The following ITGA1 variants were observed in gnomAD, a reference collection of about 807,000 sequenced individuals.
ITGA1 encodes integrin subunit alpha 1, also known as integrin alpha-1.
In ITGA1, 85 loss-of-function variants were observed where a neutral mutation model predicts 145.9. The observed-to-expected ratio is 0.58, with a 90% CI of 0.49 to 0.70. The LOEUF (loss-of-function observed/expected upper bound fraction) is 0.70, where lower values mean the gene tolerates loss of function less well. Among genes scored for constraint, ITGA1 ranks in the 30% least tolerant of loss-of-function variants. The probability of loss-of-function intolerance (pLI) is 0.00; values close to 1 mark genes in which losing one functional copy is unlikely to be tolerated. For synonymous variants in ITGA1, 520 were observed against 495.3 expected, an observed-to-expected ratio of 1.05 and a Z score of -0.66; for missense variants, 1,351 against 1,418.7, an observed-to-expected ratio of 0.95 and a Z score of 0.77.
chr5:52,816,499 G>A (rs1163373317), intron 1 of ITGA1, among the ~76,000 whole-genome samples: 1 of 152,128 alleles, frequency 6.6e-6, no homozygotes, highest in Non-Finnish European at 1.5e-5. Context: ...AAACACACTA[G>A]AAATTTTCAT....
At chr5:52,800,060 G>T (rs1748426925) in intron 1 of ITGA1, 1 of 321,048 alleles carries the variant, frequency 3.1e-6, no homozygotes, top group African/African-American at 2.2e-5. Context: ...GGAGACGTGC[G>T]TCGGGTCGCG....
intron 2 of ITGA1, among the ~76,000 whole-genome samples, chr5:52,860,446 T>C (rs566819433): frequency 2.2e-4 from 33 of 152,296 alleles, no homozygotes; most frequent in African/African-American, 7.2e-4. Context: ...CTTGGGAGGC[T>C]GAGGCAGGAG....
intron 1 of ITGA1, among the ~76,000 whole-genome samples, chr5:52,844,871 T>C (rs1364743119): frequency 6.6e-6 from 1 of 152,212 alleles, no homozygotes; most frequent in Non-Finnish European, 1.5e-5. Flanking sequence ...GACAACTTAG[T>C]ATAACAAAAT....
intron 12 of ITGA1, among the ~76,000 whole-genome samples, chr5:52,906,779 G>A (rs1750415074): frequency 6.6e-6 from 1 of 152,110 alleles, no homozygotes; most frequent in East Asian, 1.9e-4. Flanking sequence ...TAGACTAGAG[G>A]GGCAGGACTG....
chr5:52,932,281 C>G (rs116173842), intron 22 of ITGA1, 145 bp downstream of exon 22: 18 of 585,262 alleles, frequency 3.1e-5, no homozygotes, highest in Non-Finnish European at 4.9e-5. Context: ...CCTACCAAAT[C>G]AGAAACTCGG....
In ITGA1 at chr5:52,838,123, G is replaced by A. The variant is rs965892090; in HGVS notation, c.62-11242G>A. ...AAGTTTTTAGTTGAGCAGAGGAACC[G>A]AAAAACTTCTGAATGAAGGAAATAT... is the stretch of plus-strand genomic sequence containing the variant. On this transcript the variant is annotated intron_variant, in intron 1 of 28. Coordinates refer to ENST00000282588, the MANE Select transcript of ITGA1 (RefSeq NM_181501.2). 3.9e-5 allele frequency among the ~76,000 whole-genome samples: 6 copies of A among 152,122 alleles called. No individual in the cohort carries two copies. The East Asian group carries it at 5.8e-4, about 15-fold the overall frequency.
intron 1 of ITGA1, chr5:52,801,813 G>T: frequency 6.2e-7 from 1 of 1,611,284 alleles, no homozygotes; most frequent in East Asian, 2.2e-5. Flanking sequence ...CTGACCAAGA[G>T]GGTGATTCCA....
intron 15 of ITGA1, among the ~76,000 whole-genome samples, chr5:52,918,042 T>C (rs1056648326): frequency 1.3e-5 from 2 of 152,322 alleles, no homozygotes; most frequent in South Asian, 4.1e-4. Context: ...ATATTCTCCA[T>C]GTCTGAGATC....
intron 2 of ITGA1, among the ~76,000 whole-genome samples, chr5:52,856,062 C>T (rs1352728699): frequency 6.6e-6 from 1 of 152,140 alleles, no homozygotes; most frequent in African/African-American, 2.4e-5. Context: ...CAATTATCAC[C>T]ATATCCTAAG....
At chr5:52,799,092 G>T (rs972366970) in intron 1 of ITGA1, among the ~76,000 whole-genome samples, 4 of 152,090 alleles carry the variant, frequency 2.6e-5, no homozygotes, top group Admixed American at 6.5e-5. Context: ...TCCACACAGA[G>T]AAAGACAGAA....
At chr5:52,907,276 T>C (rs186839169) in intron 12 of ITGA1, among the ~76,000 whole-genome samples, 62 of 152,268 alleles carry the variant, frequency 4.1e-4, no homozygotes, top group Non-Finnish European at 6.9e-4. Flanking sequence ...AAAAAGGCTA[T>C]TGTTGTAGCT....
chr5:52,893,865 C>A, intron 9 of ITGA1, 25 bp downstream of exon 9: 1 of 1,555,528 alleles, frequency 6.4e-7, no homozygotes, highest in Non-Finnish European at 8.8e-7. Context: ...CTTATTGCTG[C>A]ATGTTCTCTC....
intron 27 of ITGA1, 124 bp downstream of exon 27, chr5:52,945,159 C>T (rs1437229003): frequency 1.5e-6 from 1 of 665,124 alleles, no homozygotes; most frequent in East Asian, 2.6e-5. Context: ...GTGACAGACA[C>T]TATTTGCTTC....
intron 15 of ITGA1, among the ~76,000 whole-genome samples, chr5:52,917,038 C>T (rs1031292003): frequency 2.0e-5 from 3 of 152,016 alleles, no homozygotes; most frequent in Non-Finnish European, 4.4e-5. Context: ...TACTGGGACA[C>T]GAAGACTAAG....
chr5:52,929,691 A>T lies in ITGA1; in HGVS notation c.2761A>T (p.Ser921Cys). ...YLMENVTIYL[S>C]ATSDSEEPPE... ...CATGGAAAATGTGACCATTTATTTAAGTGCAACAAGGTTGGTTTACATGTG... is the reference window on the plus strand; with the variant it reads ...CATGGAAAATGTGACCATTTATTTATGTGCAACAAGGTTGGTTTACATGTG... The change falls in exon 21 of 29, where the codon AGT (serine) becomes TGT (cysteine). Residue 921 changes from serine (S) to cysteine (C), a missense_variant. By Grantham distance (112) the Ser-to-Cys change is moderately radical. Transcript: ENST00000282588. 1 of 1,582,542 alleles carries T rather than the reference A, an allele frequency of 6.3e-7. No homozygotes were observed. Among genetic ancestry groups the T allele is most frequent in the Non-Finnish European group, 8.7e-7 (1 of 1,154,598 alleles).
At chr5:52,850,295 T>C (rs1749409956) in intron 2 of ITGA1, among the ~76,000 whole-genome samples, 1 of 152,178 alleles carries the variant, frequency 6.6e-6, no homozygotes, top group Non-Finnish European at 1.5e-5. Context: ...CCATAGCACC[T>C]GGCCGTAGAT....
At chr5:52,835,666 A>C (rs752911118) in intron 1 of ITGA1, among the ~76,000 whole-genome samples, 2 of 152,180 alleles carry the variant, frequency 1.3e-5, no homozygotes, top group African/African-American at 2.4e-5. Flanking sequence ...GTGTGTGTAT[A>C]TATTTTGATA....
intron 1 of ITGA1, among the ~76,000 whole-genome samples, chr5:52,792,991 T>C (rs978418803): frequency 1.3e-5 from 2 of 152,160 alleles, no homozygotes; most frequent in African/African-American, 2.4e-5. Flanking sequence ...TCCTTTATTA[T>C]GCCAGCTACT....
chr5:52,838,973 T>A (rs1040097040), intron 1 of ITGA1, among the ~76,000 whole-genome samples: 1 of 152,110 alleles, frequency 6.6e-6, no homozygotes, highest in Non-Finnish European at 1.5e-5. Flanking sequence ...GGCATGTGCC[T>A]CTGGTCTTAG....
Sources: allele counts gnomAD v4.1 joint callset (sites outside exome capture counted in the v4.1 genomes callset), GRCh38; gene constraint gnomAD v4.1.1; transcripts MANE v1.5; gene names NCBI Gene and HGNC (gene_info 2026-07-23, HGNC 2026-07-21).